The following ARMC8 variants were observed in gnomAD, a reference collection of about 807,000 sequenced individuals.
ARMC8 encodes the protein armadillo repeat-containing protein 8.
In ARMC8, 20 loss-of-function variants were observed where a neutral mutation model predicts 99.3. That is an observed-to-expected ratio of 0.20 (90% confidence interval 0.14 to 0.29). The LOEUF (loss-of-function observed/expected upper bound fraction) is 0.29. ARMC8 is among the 10% of genes least tolerant of loss of function. The pLI is 1.00. For synonymous variants in ARMC8, 263 were observed against 278.3 expected (o/e 0.95, Z 0.55); for missense variants, 569 against 809.5 (o/e 0.70, Z 3.60).
At position 138,274,507 on chromosome 3, in the gene ARMC8, T is replaced by C. The variant is rs555858686; in HGVS notation, c.1688T>C (p.Ile563Thr). The change falls in exon 18 of 22, where the codon ATT becomes ACT. Residue 563 changes from isoleucine to threonine, a missense_variant. This residue lies in a region of ARMC8 where 227 missense variants were observed against 417.9 expected (regional missense o/e 0.54). Transcript: ENST00000469044. ...GKQIMQAVTL[I>T]LEGEHNIEVK... ...CAAATTATGCAAGCCGTCACTCTTATTCTAGAAGGGGAACATAACATTGAG... is the reference window on the plus strand; with the variant it reads ...CAAATTATGCAAGCCGTCACTCTTACTCTAGAAGGGGAACATAACATTGAG... 30 of 1,613,354 alleles carry C rather than the reference T, an allele frequency of 1.9e-5. No individual in the cohort carries two copies. Among genetic ancestry groups the C allele is most frequent in the Non-Finnish European group, 2.3e-5 (27 of 1,179,352 alleles).
intron 11 of ARMC8, among the ~76,000 whole-genome samples, chr3:138,244,208 G>A (rs1332015403): frequency 1.3e-5 from 2 of 152,202 alleles, no homozygotes; most frequent in South Asian, 2.1e-4. Context: ...GGTTACCATA[G>A]TATACGGTTT....
At chr3:138,213,884 G>C (rs1218445059) in intron 2 of ARMC8, among the ~76,000 whole-genome samples, 1 of 152,104 alleles carries the variant, frequency 6.6e-6, no homozygotes, top group Admixed American at 6.5e-5. Context: ...CAGAGGCCAG[G>C]CATGGTGACT....
intron 1 of ARMC8, chr3:138,187,832 G>A (rs1485509861): frequency 1.8e-6 from 1 of 562,948 alleles, no homozygotes; most frequent in Non-Finnish European, 3.2e-6. Flanking sequence ...CGGGTTCCCA[G>A]GATGGCGTCT....
intron 1 of ARMC8, among the ~76,000 whole-genome samples, chr3:138,197,464 A>G (rs2043802703): frequency 1.3e-5 from 2 of 152,214 alleles, no homozygotes; most frequent in Admixed American, 1.3e-4. Flanking sequence ...GCAATTTTGA[A>G]TAATAATTTC....
At chr3:138,252,746 GCCCCCCCCC>G (rs753073185) in intron 12 of ARMC8, among the ~76,000 whole-genome samples, 1 of 4,958 alleles carries the variant, frequency 2.0e-4, no homozygotes, top group Admixed American at 5.7e-3. Context: ...GAGCCACCCC[GCCCCCCCCC>G]CCCCCCCACC....
chr3:138,239,441 A>G (rs910355114), intron 9 of ARMC8, 27 bp from the exon 10 acceptor site: 28 of 1,561,880 alleles, frequency 1.8e-5, no homozygotes, highest in Non-Finnish European at 2.3e-5. Flanking sequence ...TCCAAGCAAA[A>G]ACTTATTTTC....
chr3:138,199,222 G>T (rs2043914646), intron 1 of ARMC8, among the ~76,000 whole-genome samples: 1 of 151,964 alleles, frequency 6.6e-6, no homozygotes, highest in Non-Finnish European at 1.5e-5. Flanking sequence ...GTACACAAGG[G>T]GTATAAAAGG....
At chr3:138,263,015 CT>C (rs150424782) in intron 12 of ARMC8, among the ~76,000 whole-genome samples, 1,879 of 152,298 alleles carry the variant, frequency 0.012, 36 homozygotes, top group African/African-American at 0.041. Context: ...CATGGAAGAA[CT>C]CAACAAATGT....
In ARMC8 at chr3:138,242,061, T is replaced by C. The variant is rs143732558; in HGVS notation, c.1038+78T>C. 413 of 1,162,536 alleles carry C rather than the reference T, an allele frequency of 3.6e-4. 5 individuals are homozygous for C. In the East Asian group the frequency reaches 8.3e-3, roughly 23 times the overall value. 72.0% of individuals were successfully genotyped at this position (1,162,536 alleles called of 1,614,324 possible). A position where few individuals can be genotyped will look rare whatever the true frequency, so the allele number is the denominator to read the frequency against. On this transcript the variant is annotated intron_variant, in intron 11 of 21. Coordinates refer to ENST00000469044, the MANE Select transcript of ARMC8 (RefSeq NM_001363941.2). ...CTTACTGTTCACAGTTTTGAACCAA[T>C]TGATAACTACAGCTTAAAGCCCTTT...
intron 11 of ARMC8, among the ~76,000 whole-genome samples, chr3:138,243,809 G>C (rs188606472): frequency 6.6e-6 from 1 of 152,238 alleles, no homozygotes; most frequent in African/African-American, 2.4e-5. Flanking sequence ...AATAATACCA[G>C]TTAGCTCTTT....
chr3:138,264,696 G>C (rs897251571), intron 14 of ARMC8, among the ~76,000 whole-genome samples: 1 of 151,712 alleles, frequency 6.6e-6, no homozygotes, highest in Non-Finnish European at 1.5e-5. Context: ...GGGATTACAG[G>C]CATGAGCCAC....
intron 1 of ARMC8, 65 bp downstream of exon 1, chr3:138,187,664 C>T: frequency 6.6e-7 from 1 of 1,507,812 alleles, no homozygotes. Flanking sequence ...TCCACCATTC[C>T]CCCAAGCGTG....
chr3:138,223,687 G>A lies in ARMC8; in HGVS notation c.389G>A (p.Arg130His), dbSNP rs896372361. The A allele has an allele frequency of 1.2e-6, 2 of 1,614,124 alleles. No individual in the cohort carries two copies. The highest frequency in any genetic ancestry group is 1.7e-6 in the Non-Finnish European group (2 of 1,180,008). ...ATTGAAGCTTGCCTCCGATGCCTGCGTACCATCTTCACCAGTCCTGTCACT... is the reference window on the plus strand; with the variant it reads ...ATTGAAGCTTGCCTCCGATGCCTGCATACCATCTTCACCAGTCCTGTCACT... ...KFIEACLRCL[R>H]TIFTSPVTPE... Residue 130 changes from arginine to histidine, a missense_variant, in exon 5 of 22, where the codon CGT becomes CAT. Coordinates refer to ENST00000469044, the MANE Select transcript of ARMC8 (RefSeq NM_001363941.2).
At chr3:138,273,568 AAGC>A (rs1394991682) in intron 17 of ARMC8, among the ~76,000 whole-genome samples, 3 of 151,996 alleles carry the variant, frequency 2.0e-5, no homozygotes, top group African/African-American at 7.3e-5. Context: ...CCAGTGTAGA[AAGC>A]AGTGGATACG....
intron 7 of ARMC8, among the ~76,000 whole-genome samples, chr3:138,235,794 T>C (rs1177029283): frequency 6.7e-6 from 1 of 149,386 alleles, no homozygotes; most frequent in Admixed American, 6.7e-5. Flanking sequence ...TCTGTCCTTT[T>C]AGTCTTTTTT....
At chr3:138,219,597 A>G (rs780742145) in intron 2 of ARMC8, among the ~76,000 whole-genome samples, 13 of 152,224 alleles carry the variant, frequency 8.5e-5, no homozygotes, top group Non-Finnish European at 1.6e-4. Flanking sequence ...TAATCCTGTT[A>G]ATCCTTTTGA....
intron 2 of ARMC8, among the ~76,000 whole-genome samples, chr3:138,220,731 C>T (rs918479499): frequency 1.3e-5 from 2 of 150,250 alleles, no homozygotes; most frequent in Non-Finnish European, 1.5e-5. Context: ...GTTCTGTCAC[C>T]CTGACTGGGG....
intron 5 of ARMC8, chr3:138,228,677 A>G (rs2045820778): frequency 2.0e-6 from 1 of 508,120 alleles, no homozygotes; most frequent in Non-Finnish European, 3.8e-6. Context: ...TGAGAGAGTT[A>G]TTGAGAATTT....
At chr3:138,245,652 T>C (rs2046846878) in intron 12 of ARMC8, 1 of 994,430 alleles carries the variant, frequency 1.0e-6, no homozygotes, top group African/African-American at 1.7e-5. Flanking sequence ...CTGTGCAAGT[T>C]TAATGTGAAT....
Sources: allele counts gnomAD v4.1 joint callset (sites outside exome capture counted in the v4.1 genomes callset), GRCh38; gene constraint gnomAD v4.1.1; regional missense constraint gnomAD v4.1.1; transcripts MANE v1.5; gene names NCBI Gene and HGNC (gene_info 2026-07-23, HGNC 2026-07-21).